GAS2: variants seen among roughly 807,000 people sequenced by gnomAD.
GAS2 encodes the protein growth arrest specific 2.
In GAS2, 20 loss-of-function variants were observed where a neutral mutation model predicts 37.5. The observed-to-expected ratio is 0.53, with a 90% CI of 0.37 to 0.77. The LOEUF is 0.77. Ranked by LOEUF, GAS2 falls within the 30% of genes least tolerant of loss-of-function variation. The pLI is 0.00. For missense variants in GAS2, 336 were observed against 373.4 expected (o/e 0.90, Z 0.82); for synonymous variants, 144 against 132.2 (o/e 1.09, Z -0.61).
At chr11:22,686,644 G>C (rs1469288257) in intron 3 of GAS2, among the ~76,000 whole-genome samples, 1 of 150,448 alleles carries the variant, frequency 6.6e-6, no homozygotes, top group Non-Finnish European at 1.5e-5. Flanking sequence ...CAGCTACTCA[G>C]GAGGCTGAGG....
At chr11:22,789,457 CT>C (rs71037529) in intron 7 of GAS2, among the ~76,000 whole-genome samples, 86 of 31,408 alleles carry the variant, frequency 2.7e-3, no homozygotes, top group African/African-American at 7.5e-3. Context: ...TATATATATT[CT>C]TTTTTTTTTT....
Position 22,685,768 on chromosome 11 carries a change from G to T in GAS2, c.246G>T (p.Met82Ile). 1 of 1,613,346 alleles carries T rather than the reference G, an allele frequency of 6.2e-7. No homozygotes were observed. Among genetic ancestry groups the T allele is most frequent in the Non-Finnish European group, 8.5e-7 (1 of 1,179,674 alleles). The change falls in exon 3 of 8, where the codon ATG becomes ATT. Residue 82 changes from methionine to isoleucine, a missense_variant. By Grantham distance (10) the Met-to-Ile change is conservative. Transcript: ENST00000454584. ...ETMQEKFKES[M>I]DANKPTKNLP... is the part of the protein sequence containing the mutation. ...TGCAGGAGAAATTCAAGGAGAGCAT[G>T]GATGCTAACAAGCCCACAAAGGTAA... is the stretch of plus-strand genomic sequence containing the variant.
chr11:22,639,601 A>G (rs1045662155), intron 1 of GAS2, among the ~76,000 whole-genome samples: 2 of 152,182 alleles, frequency 1.3e-5, no homozygotes, highest in Non-Finnish European at 2.9e-5. Context: ...AGAAGACTTT[A>G]TGCATGTAAA....
At chr11:22,804,467 G>A (rs568677790) in intron 7 of GAS2, among the ~76,000 whole-genome samples, 37 of 152,198 alleles carry the variant, frequency 2.4e-4, no homozygotes, top group South Asian at 2.3e-3. Flanking sequence ...ATTAGAAGCC[G>A]TCTGGCTTCC....
At chr11:22,682,888 G>GA (rs57025584) in intron 2 of GAS2, among the ~76,000 whole-genome samples, 1,094 of 102,332 alleles carry the variant, frequency 0.011, 6 homozygotes, top group African/African-American at 0.013. Flanking sequence ...AAAAAAAAAG[G>GA]AAAAAAAAAA....
intron 1 of GAS2, among the ~76,000 whole-genome samples, chr11:22,632,445 A>G (rs1042870933): frequency 6.6e-6 from 1 of 152,092 alleles, no homozygotes; most frequent in Non-Finnish European, 1.5e-5. Context: ...TTTACCTTGT[A>G]GGTTACCTGA....
At chr11:22,683,622 A>T (rs1320779246) in intron 2 of GAS2, among the ~76,000 whole-genome samples, 3 of 152,146 alleles carry the variant, frequency 2.0e-5, no homozygotes, top group Non-Finnish European at 4.4e-5. Flanking sequence ...TTAAGATAAA[A>T]GATAAGCCTT....
At chr11:22,782,218 T>C (rs1855586358) in intron 7 of GAS2, among the ~76,000 whole-genome samples, 1 of 152,152 alleles carries the variant, frequency 6.6e-6, no homozygotes, top group South Asian at 2.1e-4. Flanking sequence ...ATTAATAGTA[T>C]TAATTAGACA....
chr11:22,699,196 A>C (rs570948359), intron 3 of GAS2, among the ~76,000 whole-genome samples: 137 of 152,272 alleles, frequency 9.0e-4, no homozygotes, highest in South Asian at 7.9e-3. Context: ...GTACCAAAGA[A>C]ATTTTTGGAA....
rs554055662 is a variant in GAS2 at position 22,805,453 on chromosome 11, T to C, written c.724-6345T>C. ...ATTCTTAACTATAGTCATCATGCAG[T>C]ACAACAAATCTTTTGAACTTATTCC... On this transcript the variant is annotated intron_variant, in intron 7 of 7. Transcript: ENST00000454584. 5.9e-5 allele frequency among the ~76,000 whole-genome samples: 9 copies of C among 152,254 alleles called. No homozygotes were observed. The East Asian group carries it at 1.4e-3, about 23-fold the overall frequency.
intron 7 of GAS2, among the ~76,000 whole-genome samples, chr11:22,794,748 C>G (rs1456578400): frequency 2.6e-5 from 4 of 152,142 alleles, no homozygotes; most frequent in African/African-American, 9.7e-5. Context: ...CTTACCAGGT[C>G]CCCTTAGAGA....
chr11:22,769,269 A>G (rs534395450), intron 7 of GAS2, among the ~76,000 whole-genome samples: 1 of 152,344 alleles, frequency 6.6e-6, no homozygotes, highest in Admixed American at 6.5e-5. Context: ...CCTATAGCCA[A>G]CATGACAGGC....
chr11:22,755,640 G>C, intron 6 of GAS2: 1 of 461,318 alleles, frequency 2.2e-6, no homozygotes, highest in East Asian at 3.7e-5. Flanking sequence ...TTATGCCTTA[G>C]TGCAGTCATT....
rs760338425 is a variant in GAS2 at position 22,726,377 on chromosome 11, C to A, written c.353C>A (p.Ser118Tyr). 1.2e-6 allele frequency: 2 copies of A among 1,612,864 alleles called. No individual in the cohort carries two copies. The highest frequency in any genetic ancestry group is 1.7e-6 in the Non-Finnish European group (2 of 1,179,320). The part of the protein sequence containing the change: ...FARDNTANFL[S>Y]WCRDLGVDET... ...AGAGACAATACAGCAAATTTCTTAT[C>A]CTGGTGCCGAGATTTAGGGGTGGAT... Residue 118 changes from serine (S) to tyrosine (Y), a missense_variant, in exon 4 of 8, where the codon TCC becomes TAC. By Grantham distance (144) the Ser-to-Tyr change is moderately radical. Transcript: ENST00000454584.
chr11:22,766,637 C>G (rs1854712013), intron 7 of GAS2, among the ~76,000 whole-genome samples: 1 of 152,118 alleles, frequency 6.6e-6, no homozygotes. Context: ...GAAACAGAAT[C>G]TTACAAAACA....
chr11:22,667,021 G>A (rs769459027), intron 1 of GAS2, 122 bp downstream of exon 1: 1 of 152,238 alleles, frequency 6.6e-6, no homozygotes, highest in African/African-American at 2.4e-5. Context: ...GAGGGGAGAG[G>A]TCATTAAAAA....
intron 7 of GAS2, among the ~76,000 whole-genome samples, chr11:22,803,870 A>ACC (rs1856771958): frequency 6.6e-6 from 1 of 152,134 alleles, no homozygotes; most frequent in Non-Finnish European, 1.5e-5. Context: ...CTGTGAAATC[A>ACC]TGTATAAACT....
chr11:22,704,117 A>G (rs760202158), intron 3 of GAS2, among the ~76,000 whole-genome samples: 1 of 152,134 alleles, frequency 6.6e-6, no homozygotes, highest in African/African-American at 2.4e-5. Flanking sequence ...AAGTCTTTTG[A>G]GACTCTGTTT....
chr11:22,679,399 G>A (rs1016204707), intron 2 of GAS2, among the ~76,000 whole-genome samples: 2 of 151,918 alleles, frequency 1.3e-5, no homozygotes, highest in Non-Finnish European at 2.9e-5. Flanking sequence ...TGCCCTTAGG[G>A]TATATTAGAA....
Sources: allele counts gnomAD v4.1 joint callset (sites outside exome capture counted in the v4.1 genomes callset), GRCh38; gene constraint gnomAD v4.1.1; transcripts MANE v1.5; gene names NCBI Gene and HGNC (gene_info 2026-07-23, HGNC 2026-07-21).